The following SLC35F2 variants were observed in gnomAD, a reference collection of about 807,000 sequenced individuals.
SLC35F2 encodes the protein queuine/queuosine transporter SLC35F2.
Under a neutral mutation model 38.1 loss-of-function variants are expected in SLC35F2, and 25 were observed. The ratio of observed to expected loss-of-function variants is 0.66; its 90% confidence interval spans 0.48 to 0.92. SLC35F2 has a LOEUF of 0.92. Among genes scored for constraint, SLC35F2 ranks in the 40% least tolerant of loss-of-function variants. The pLI, the probability that SLC35F2 is intolerant of heterozygous loss-of-function variation, is 0.00. For synonymous variants in SLC35F2, 173 were observed against 181.7 expected, an observed-to-expected ratio of 0.95 and a Z score of 0.38; for missense variants, 409 against 452.9, an observed-to-expected ratio of 0.90 and a Z score of 0.88.
At chr11:107,827,412 C>T (rs1472410690) in intron 1 of SLC35F2, among the ~76,000 whole-genome samples, 1 of 151,254 alleles carries the variant, frequency 6.6e-6, no homozygotes, top group Non-Finnish European at 1.5e-5. Context: ...GTCAGGTGTT[C>T]AAGACTAGCC....
In SLC35F2 at chr11:107,792,644, G is replaced by C; in HGVS notation, c.1096C>G (p.Leu366Val). Residue 366 changes from leucine (L) to valine (V), a missense_variant, in exon 8 of 8, where the codon CTC (leucine) becomes GTC (valine). Leu to Val is a conservative substitution (Grantham distance 32). Transcript: ENST00000525815. The part of the protein sequence containing the change: ...DNLGLKLEEN[L>V]QETHSAVL ...AAGACAGCAGAGTGGGTCTCCTGGA[G>C]GTTCTCCTCCAGCTTCAGCCCCAGG... 6.2e-7 allele frequency: 1 copy of C among 1,613,204 alleles called. No individual in the cohort carries two copies. Among genetic ancestry groups the C allele is most frequent in the Non-Finnish European group, 8.5e-7 (1 of 1,179,722 alleles).
chr11:107,825,508 A>G (rs559299038), intron 1 of SLC35F2, among the ~76,000 whole-genome samples: 3 of 151,620 alleles, frequency 2.0e-5, no homozygotes, highest in Non-Finnish European at 4.4e-5. Context: ...AGTAGCTGGG[A>G]TTACAGGCGC....
intron 7 of SLC35F2, among the ~76,000 whole-genome samples, chr11:107,799,413 G>A (rs535396342): frequency 6.6e-6 from 1 of 152,254 alleles, no homozygotes; most frequent in East Asian, 1.9e-4. Context: ...CAACTGGCCT[G>A]CAACTGCTAT....
At chr11:107,850,635 A>C (rs1023175100) in intron 1 of SLC35F2, among the ~76,000 whole-genome samples, 2 of 152,054 alleles carry the variant, frequency 1.3e-5, no homozygotes, top group African/African-American at 4.8e-5. Context: ...CAGCCTGGCC[A>C]ACATGGTGAA....
At chr11:107,794,595 T>A (rs1269289728) in intron 7 of SLC35F2, among the ~76,000 whole-genome samples, 1 of 152,256 alleles carries the variant, frequency 6.6e-6, no homozygotes, top group Middle Eastern at 3.4e-3. Flanking sequence ...GTAGCTAACA[T>A]CATACTGAAT....
chr11:107,851,264 A>G (rs1022474912), intron 1 of SLC35F2, among the ~76,000 whole-genome samples: 9 of 146,388 alleles, frequency 6.1e-5, no homozygotes, highest in African/African-American at 2.2e-4. Context: ...TGCTGTCTCA[A>G]AAAAAAAAAA....
chr11:107,815,215 T>C (rs776464331), intron 2 of SLC35F2, among the ~76,000 whole-genome samples: 3 of 150,540 alleles, frequency 2.0e-5, no homozygotes, highest in Non-Finnish European at 4.4e-5. Context: ...TATTTTAAAA[T>C]ATTTTTAAAA....
intron 1 of SLC35F2, among the ~76,000 whole-genome samples, chr11:107,835,130 A>G (rs962277066): frequency 6.6e-6 from 1 of 152,238 alleles, no homozygotes; most frequent in Non-Finnish European, 1.5e-5. Context: ...TAACACGCAC[A>G]CTCACATGCA....
chr11:107,854,933 T>C (rs1172045819), intron 1 of SLC35F2, among the ~76,000 whole-genome samples: 2 of 152,152 alleles, frequency 1.3e-5, no homozygotes, highest in African/African-American at 4.8e-5. Flanking sequence ...TTCTACACTC[T>C]CCCACCCTTG....
intron 1 of SLC35F2, among the ~76,000 whole-genome samples, chr11:107,844,339 T>G (rs1459523240): frequency 1.3e-5 from 2 of 152,130 alleles, no homozygotes; most frequent in African/African-American, 2.4e-5. Flanking sequence ...CAGAAAGTTA[T>G]TATAAGGGCC....
At chr11:107,856,763 G>C (rs1284812278) in intron 1 of SLC35F2, among the ~76,000 whole-genome samples, 1 of 142,458 alleles carries the variant, frequency 7.0e-6, no homozygotes, top group East Asian at 2.3e-4. Flanking sequence ...GAGGGAGGGA[G>C]ACTGGAGCAC....
rs71303238 is a variant in SLC35F2 at position 107,800,903 on chromosome 11, C to CTTTTTTT, written c.939+2091_939+2097dup. ...ATCTATACAGTGAAAGCTATTACTA[C>CTTTTTTT]TTTTTTTTTTTTTTTTTTTTTTGAG... On this transcript the variant is annotated intron_variant, in intron 7 of 7. Coordinates refer to ENST00000525815, the MANE Select transcript of SLC35F2 (RefSeq NM_017515.5). Among the ~76,000 whole-genome samples the CTTTTTTT allele has an allele frequency of 1.5e-3, 192 of 126,164 alleles. 3 individuals are homozygous for CTTTTTTT. The highest frequency in any genetic ancestry group is 5.8e-3 in the African/African-American group (179 of 30,932). The allele number at this position is 126,164 out of a possible 152,430, so 82.8% of individuals were successfully genotyped here. A position where few individuals can be genotyped will look rare whatever the true frequency, so the allele number is the denominator to read the frequency against.
chr11:107,846,855 G>A (rs538938537), intron 1 of SLC35F2, among the ~76,000 whole-genome samples: 4 of 151,868 alleles, frequency 2.6e-5, no homozygotes, highest in Admixed American at 6.6e-5. Flanking sequence ...GCTTGAACCC[G>A]GGAGGCGGAG....
intron 1 of SLC35F2, among the ~76,000 whole-genome samples, chr11:107,826,694 A>T (rs1591198755): frequency 6.6e-6 from 1 of 152,356 alleles, no homozygotes; most frequent in East Asian, 1.9e-4. Flanking sequence ...ACAAAAATTA[A>T]ATTTAAAAAA....
Position 107,802,872 on chromosome 11 carries a change from G to T in SLC35F2, c.939+129C>A, listed in dbSNP as rs116703207. The stretch of plus-strand genomic sequence containing the variant: ...TGTAATTCAGAAGCAGCAAAGGGAG[G>T]CCTGACCAATGAAATTCTTGCCAAG... On this transcript the variant is annotated intron_variant, in intron 7 of 7. Coordinates refer to ENST00000525815, the MANE Select transcript of SLC35F2 (RefSeq NM_017515.5). 1,029 of 865,032 alleles carry T rather than the reference G, an allele frequency of 1.2e-3. 7 individuals carry two copies. The African/African-American group carries it at 0.012, about 10-fold the overall frequency. The allele number at this position is 865,032 out of a possible 1,614,324, so 53.6% of individuals were successfully genotyped here.
chr11:107,812,541 G>A (rs953878089), intron 2 of SLC35F2, among the ~76,000 whole-genome samples: 2 of 152,022 alleles, frequency 1.3e-5, no homozygotes, highest in African/African-American at 2.4e-5. Context: ...GGGCAGGGCG[G>A]GAGAAGAGCA....
At chr11:107,835,416 T>G (rs1445536631) in intron 1 of SLC35F2, among the ~76,000 whole-genome samples, 1 of 149,056 alleles carries the variant, frequency 6.7e-6, no homozygotes. Context: ...GAAGGCAGCT[T>G]CAATAGCCCA....
chr11:107,807,766 G>A (rs967457237), intron 3 of SLC35F2, among the ~76,000 whole-genome samples: 4 of 151,908 alleles, frequency 2.6e-5, no homozygotes, highest in Non-Finnish European at 5.9e-5. Context: ...GTAGAGATGG[G>A]GTTTTGTCAT....
chr11:107,802,553 C>T (rs983612245), intron 7 of SLC35F2, among the ~76,000 whole-genome samples: 4 of 152,212 alleles, frequency 2.6e-5, no homozygotes, highest in Non-Finnish European at 5.9e-5. Context: ...CAGAACCATT[C>T]CAATCATGCA....
Sources: gnomAD v4.1 joint callset for allele counts (sites outside exome capture counted in the v4.1 genomes callset) on GRCh38, gnomAD v4.1.1 for gene constraint, MANE v1.5 for transcripts, NCBI Gene and HGNC (gene_info 2026-07-23, HGNC 2026-07-21) for gene names.